TANC1: variants seen among roughly 807,000 people sequenced by gnomAD.
The protein encoded by TANC1 is protein TANC1.
TANC1 carries 77 observed loss-of-function variants against 149.7 expected under a neutral mutation model. The observed-to-expected ratio is 0.51, with a 90% CI of 0.43 to 0.62. The LOEUF (loss-of-function observed/expected upper bound fraction) is 0.62, where lower values mean the gene tolerates loss of function less well. Ranked by LOEUF, TANC1 falls within the 20% of genes least tolerant of loss-of-function variation. The pLI, the probability that TANC1 is intolerant of heterozygous loss-of-function variation, is 0.00. For synonymous variants in TANC1, 854 were observed against 925.0 expected, an observed-to-expected ratio of 0.92 and a Z score of 1.39; for missense variants, 1,985 against 2,321.8, an observed-to-expected ratio of 0.85 and a Z score of 2.98.
At chr2:158,976,620 C>T (rs1270634705) in intron 1 of TANC1, among the ~76,000 whole-genome samples, 1 of 152,198 alleles carries the variant, frequency 6.6e-6, no homozygotes, top group Non-Finnish European at 1.5e-5. Context: ...GTGACTCATG[C>T]CTGTAATCCC....
chr2:159,049,416 G>A (rs968354980), intron 2 of TANC1, among the ~76,000 whole-genome samples: 4 of 152,162 alleles, frequency 2.6e-5, no homozygotes, highest in African/African-American at 9.7e-5. Context: ...GAAAGGGAGG[G>A]AGGAGAGTGT....
At chr2:159,032,319 G>C (rs1378193048) in intron 2 of TANC1, among the ~76,000 whole-genome samples, 1 of 152,226 alleles carries the variant, frequency 6.6e-6, no homozygotes, top group Non-Finnish European at 1.5e-5. Flanking sequence ...AGACCACACA[G>C]AGACAGCACA....
rs776029674 is a variant in TANC1 at position 159,225,673 on chromosome 2, G to A, written c.3812-15G>A. The A allele has an allele frequency of 9.3e-6, 15 of 1,610,484 alleles. No individual in the cohort carries two copies. The highest frequency in any genetic ancestry group is 2.2e-5 in the South Asian group (2 of 90,984). ...GGGCCTCTGAAGTGCCTCTGAATGC[G>A]TGTTTGTTTTGCAGGAAATGCTGCT... is the stretch of plus-strand genomic sequence containing the variant. On this transcript the variant is annotated splice_polypyrimidine_tract_variant and intron_variant, in intron 23 of 26. Transcript: ENST00000263635.
intron 16 of TANC1, among the ~76,000 whole-genome samples, chr2:159,192,636 G>GT (rs919097180): frequency 3.3e-5 from 5 of 151,818 alleles, no homozygotes; most frequent in African/African-American, 9.7e-5. Context: ...AGTTGTTTAG[G>GT]TTTTTTTTGT....
At chr2:159,131,482 G>A (rs1376041785) in intron 4 of TANC1, among the ~76,000 whole-genome samples, 1 of 152,036 alleles carries the variant, frequency 6.6e-6, no homozygotes, top group African/African-American at 2.4e-5. Context: ...CGAGGCTCTG[G>A]CCCGGGCTGA....
At chr2:158,993,594 A>G (rs1349105895) in intron 1 of TANC1, among the ~76,000 whole-genome samples, 1 of 152,158 alleles carries the variant, frequency 6.6e-6, no homozygotes, top group Non-Finnish European at 1.5e-5. Flanking sequence ...GAAATAAAAC[A>G]TGGGGGTCGG....
At chr2:159,140,510 A>C (rs1005443780) in intron 5 of TANC1, among the ~76,000 whole-genome samples, 4 of 152,078 alleles carry the variant, frequency 2.6e-5, no homozygotes, top group Non-Finnish European at 4.4e-5. Flanking sequence ...CTGTGAAAAA[A>C]CACTATGCTA....
At position 159,232,602 on chromosome 2, in the gene TANC1, G is replaced by C. The variant is rs2060372663; in HGVS notation, c.*1590G>C. 2 of 152,466 alleles carry C rather than the reference G, an allele frequency of 1.3e-5. No individual in the cohort carries two copies. Among genetic ancestry groups the C allele is most frequent in the African/African-American group, 4.8e-5 (2 of 41,390 alleles). 9.4% of individuals were successfully genotyped at this position (152,466 alleles called of 1,614,324 possible). On this transcript the variant is annotated 3_prime_UTR_variant, in exon 27 of 27. Transcript: ENST00000263635. ...TTGTGAAAGTCTTACTCCTTTGTTA[G>C]TTTTGTTTCTGCACAACTACTGTAC...
chr2:159,150,843 A>T (rs2052716141), intron 7 of TANC1: 1 of 321,968 alleles, frequency 3.1e-6, no homozygotes, highest in Non-Finnish European at 5.7e-6. Context: ...TTGCTCTTCT[A>T]TATTCAGTTC....
chr2:159,177,845 G>A (rs1320778424), intron 13 of TANC1, among the ~76,000 whole-genome samples: 2 of 152,168 alleles, frequency 1.3e-5, no homozygotes, highest in Admixed American at 1.3e-4. Context: ...GAGGCTTCTG[G>A]GAGCTGAGGA....
At chr2:159,053,381 A>G (rs1446622074) in intron 2 of TANC1, among the ~76,000 whole-genome samples, 1 of 152,224 alleles carries the variant, frequency 6.6e-6, no homozygotes, top group African/African-American at 2.4e-5. Context: ...TTTATGGCCA[A>G]GAATGATTTC....
Position 158,981,648 on chromosome 2 carries a change from G to A in TANC1, c.-126+12866G>A, listed in dbSNP as rs553046253. ...TTTGGAAAGGTATTCTGAATAGTTG[G>A]CGTGGTTAAATGGATATGTTTTCAG... is the stretch of plus-strand genomic sequence containing the variant. On this transcript the variant is annotated intron_variant, in intron 1 of 26. Transcript: ENST00000263635. 3.3e-5 allele frequency among the ~76,000 whole-genome samples: 5 copies of A among 150,450 alleles called. No homozygotes were observed. In the East Asian group the frequency reaches 9.8e-4, roughly 29 times the overall value.
At chr2:159,157,398 C>T (rs544195637) in intron 7 of TANC1, among the ~76,000 whole-genome samples, 2 of 152,076 alleles carry the variant, frequency 1.3e-5, no homozygotes, top group East Asian at 3.9e-4. Context: ...TAAGTCAGGC[C>T]GGTTTCATTG....
chr2:159,125,065 A>G (rs2049273269), intron 4 of TANC1, among the ~76,000 whole-genome samples: 1 of 152,112 alleles, frequency 6.6e-6, no homozygotes, highest in South Asian at 2.1e-4. Context: ...TTTATGGCAC[A>G]TTGTAATTAC....
intron 3 of TANC1, among the ~76,000 whole-genome samples, chr2:159,083,494 T>C (rs773559650): frequency 4.6e-5 from 7 of 152,112 alleles, no homozygotes; most frequent in Non-Finnish European, 1.0e-4. Flanking sequence ...ATTAGAGAAA[T>C]AACAAAGGAA....
chr2:159,213,532 T>C lies in TANC1; in HGVS notation c.3245-3965T>C, dbSNP rs535260440. The stretch of plus-strand genomic sequence containing the variant: ...CACGCTGAGATGAACTTTAAATGTC[T>C]GCTCAGTAAGGGCAATGGGCCTGTT... On this transcript the variant is annotated intron_variant, in intron 19 of 26. Transcript: ENST00000263635. 9.2e-5 allele frequency among the ~76,000 whole-genome samples: 14 copies of C among 152,174 alleles called. No individual in the cohort carries two copies. In the South Asian group the frequency reaches 2.9e-3, roughly 32 times the overall value.
intron 2 of TANC1, among the ~76,000 whole-genome samples, chr2:159,013,033 GAGA>G (rs1265617275): frequency 6.6e-6 from 1 of 152,092 alleles, no homozygotes; most frequent in African/African-American, 2.4e-5. Context: ...GGAGAAATTG[GAGA>G]AGGTCATAAA....
At chr2:158,972,977 G>C (rs842069) in intron 1 of TANC1, among the ~76,000 whole-genome samples, 42,029 of 151,978 alleles carry the variant, frequency 0.28, 6,206 homozygotes, top group East Asian at 0.49. Context: ...AGAGTGAAAG[G>C]AGTTCTCCTG....
chr2:159,190,583 C>A (rs933725340), intron 16 of TANC1, among the ~76,000 whole-genome samples: 1 of 151,958 alleles, frequency 6.6e-6, no homozygotes, highest in Non-Finnish European at 1.5e-5. Context: ...TGGAGTTTTG[C>A]TCTTGTTGCC....
Sources: allele counts gnomAD v4.1 joint callset (sites outside exome capture counted in the v4.1 genomes callset), GRCh38; gene constraint gnomAD v4.1.1; transcripts MANE v1.5; gene names NCBI Gene and HGNC (gene_info 2026-07-23, HGNC 2026-07-21).